The following METTL2A variants were observed in gnomAD, a reference collection of about 807,000 sequenced individuals.
METTL2A encodes the protein tRNA N(3)-cytidine methyltransferase METTL2A.
In METTL2A, 45 loss-of-function variants were observed where a neutral mutation model predicts 49.4. The observed-to-expected ratio is 0.91, with a 90% CI of 0.72 to 1.17. The LOEUF is 1.17. Ranked by LOEUF, METTL2A falls within the 50% of genes most tolerant of loss-of-function variation. The pLI is 0.00. For missense variants in METTL2A, 361 were observed against 462.2 expected, an observed-to-expected ratio of 0.78 and a Z score of 2.01; for synonymous variants, 118 against 167.5, an observed-to-expected ratio of 0.70 and a Z score of 2.28.
At chr17:62,442,522 AC>A (rs2070744374) in intron 6 of METTL2A, among the ~76,000 whole-genome samples, 1 of 151,744 alleles carries the variant, frequency 6.6e-6, no homozygotes. Context: ...CAAGTTATCC[AC>A]CCACCTCGGC....
chr17:62,426,254 A>C (rs1325199931), intron 2 of METTL2A, 45 bp from the exon 3 acceptor site: 15 of 1,527,238 alleles, frequency 9.8e-6, no homozygotes, highest in Non-Finnish European at 1.3e-5. Context: ...TATAAATAAA[A>C]CATTTGAGAG....
At chr17:62,435,635 A>G (rs1375411573) in intron 5 of METTL2A, among the ~76,000 whole-genome samples, 1 of 152,174 alleles carries the variant, frequency 6.6e-6, no homozygotes, top group African/African-American at 2.4e-5. Flanking sequence ...TGTATGTTAT[A>G]GTGTGTGATG....
chr17:62,436,088 C>G (rs8074046), intron 5 of METTL2A, among the ~76,000 whole-genome samples: 4 of 151,828 alleles, frequency 2.6e-5, no homozygotes, highest in Admixed American at 1.3e-4. Flanking sequence ...AAAAATTAGC[C>G]GGGCTAAAAA....
intron 7 of METTL2A, among the ~76,000 whole-genome samples, chr17:62,445,502 A>G (rs2070762767): frequency 6.6e-6 from 1 of 152,108 alleles, no homozygotes; most frequent in Non-Finnish European, 1.5e-5. Flanking sequence ...TTTATTAGAA[A>G]GACATTTGAA....
intron 7 of METTL2A, among the ~76,000 whole-genome samples, chr17:62,445,921 T>C (rs2070765384): frequency 6.6e-6 from 1 of 152,134 alleles, no homozygotes; most frequent in African/African-American, 2.4e-5. Flanking sequence ...ATATAATAGA[T>C]AAAGACTTAA....
rs1046586349 is a variant in METTL2A at position 62,451,607 on chromosome 17, A to G, written c.*2878A>G. ...ATGAAACCCCATCACTGCTAACAAT[A>G]CAGACCTGGCACGGTGGCTCACGCC... is the stretch of plus-strand genomic sequence containing the variant. On this transcript the variant is annotated 3_prime_UTR_variant, in exon 9 of 9. Coordinates refer to ENST00000311506, the MANE Select transcript of METTL2A (RefSeq NM_181725.4). Among the ~76,000 whole-genome samples, 1 of 151,814 alleles carries G rather than the reference A, an allele frequency of 6.6e-6. No homozygotes were observed. Among genetic ancestry groups the G allele is most frequent in the Non-Finnish European group, 1.5e-5 (1 of 67,916 alleles).
rs2070806276 is a variant in METTL2A at position 62,451,615 on chromosome 17, G to A, written c.*2886G>A. Among the ~76,000 whole-genome samples, 1 of 151,824 alleles carries A rather than the reference G, an allele frequency of 6.6e-6. No homozygotes were observed. Among genetic ancestry groups the A allele is most frequent in the South Asian group, 2.1e-4 (1 of 4,820 alleles). On this transcript the variant is annotated 3_prime_UTR_variant, in exon 9 of 9. Coordinates refer to ENST00000311506, the MANE Select transcript of METTL2A (RefSeq NM_181725.4). ...CCATCACTGCTAACAATACAGACCT[G>A]GCACGGTGGCTCACGCCTGTAATCC...
In METTL2A at chr17:62,435,233, G is replaced by A; in HGVS notation, c.610G>A (p.Asp204Asn). 1 of 1,613,956 alleles carries A rather than the reference G, an allele frequency of 6.2e-7. No homozygotes were observed. The highest frequency in any genetic ancestry group is 1.1e-5 in the South Asian group (1 of 91,076). ...TVFPILQTNN[D>N]PGLFVYCCDF... ...TTCTGTCTTTTCTGCCCATTTCAGT[G>A]ACCCAGGACTCTTTGTTTATTGCTG... is the stretch of plus-strand genomic sequence containing the variant. The change falls in exon 5 of 9, where the codon GAC (aspartate) becomes AAC (asparagine). Residue 204 changes from aspartate (D) to asparagine (N), a missense_variant and splice_region_variant. Asp to Asn is a conservative substitution (Grantham distance 23). Transcript: ENST00000311506.
chr17:62,430,929 G>A (rs2070660551), intron 4 of METTL2A, among the ~76,000 whole-genome samples: 1 of 152,064 alleles, frequency 6.6e-6, no homozygotes, highest in Non-Finnish European at 1.5e-5. Context: ...GCAGTGGTGC[G>A]ATCTTGGCTC....
intron 4 of METTL2A, among the ~76,000 whole-genome samples, chr17:62,430,306 T>C (rs1414578198): frequency 1.3e-5 from 2 of 152,206 alleles, no homozygotes; most frequent in African/African-American, 4.8e-5. Context: ...ATCAATATCA[T>C]CAATGCATGT....
intron 7 of METTL2A, among the ~76,000 whole-genome samples, chr17:62,446,367 A>G (rs1233502042): frequency 6.6e-6 from 1 of 151,596 alleles, no homozygotes; most frequent in African/African-American, 2.4e-5. Flanking sequence ...CTGGAGTGCA[A>G]TGGCACGATC....
chr17:62,436,532 A>G (rs1488044244), intron 5 of METTL2A, among the ~76,000 whole-genome samples: 1 of 152,184 alleles, frequency 6.6e-6, no homozygotes, highest in African/African-American at 2.4e-5. Context: ...AGTCTGGGCG[A>G]CAGTGAGACT....
intron 4 of METTL2A, among the ~76,000 whole-genome samples, chr17:62,430,027 T>C (rs530050705): frequency 4.2e-4 from 64 of 152,376 alleles, no homozygotes; most frequent in African/African-American, 1.2e-3. Context: ...TATGCATTAC[T>C]GGAATCCACT....
rs775330366 is a variant in METTL2A at position 62,448,982 on chromosome 17, A to T, written c.*253A>T. On this transcript the variant is annotated 3_prime_UTR_variant, in exon 9 of 9. Transcript: ENST00000311506. The stretch of plus-strand genomic sequence containing the variant: ...GGACAATTCAAGAATTCAGACTTGA[A>T]CCTTAAACCTAGGAAAAGTTACTTT... 5 of 419,044 alleles carry T rather than the reference A, an allele frequency of 1.2e-5. No individual in the cohort carries two copies. The highest frequency in any genetic ancestry group is 4.1e-5 in the African/African-American group (2 of 48,494). The allele number at this position is 419,044 out of a possible 1,614,324, so 26.0% of individuals were successfully genotyped here. A position where few individuals can be genotyped will look rare whatever the true frequency, so the allele number is the denominator to read the frequency against.
rs1370076495 is a variant in METTL2A at position 62,452,195 on chromosome 17, C to A, written c.*3466C>A. ...AAGGTAAGAGGCTATTGTGTAAACT[C>A]GAATTGGGTTTGTTGGTGTTTCTTC... On this transcript the variant is annotated 3_prime_UTR_variant, in exon 9 of 9. Transcript: ENST00000311506. Among the ~76,000 whole-genome samples, 1 of 152,136 alleles carries A rather than the reference C, an allele frequency of 6.6e-6. No homozygotes were observed. Among genetic ancestry groups the A allele is most frequent in the Admixed American group, 6.5e-5 (1 of 15,276 alleles).
In METTL2A at chr17:62,451,776, T is replaced by A. The variant is rs1207162733; in HGVS notation, c.*3047T>A. ...GTGATGGCGCATGCCTGTAACCCCATCCACTTGGAAGGCTGAGGCAGGAGA... is the reference window on the plus strand; with the variant it reads ...GTGATGGCGCATGCCTGTAACCCCAACCACTTGGAAGGCTGAGGCAGGAGA... On this transcript the variant is annotated 3_prime_UTR_variant, in exon 9 of 9. Coordinates refer to ENST00000311506, the MANE Select transcript of METTL2A (RefSeq NM_181725.4). Among the ~76,000 whole-genome samples, 1 of 151,326 alleles carries A rather than the reference T, an allele frequency of 6.6e-6. No individual in the cohort carries two copies.
At chr17:62,446,129 T>G (rs2070766877) in intron 7 of METTL2A, among the ~76,000 whole-genome samples, 2 of 152,198 alleles carry the variant, frequency 1.3e-5, no homozygotes, top group African/African-American at 4.8e-5. Flanking sequence ...GTGCATTCCT[T>G]CATTACTGGT....
rs2144163548 is a variant in METTL2A at position 62,450,414 on chromosome 17, A to C, written c.*1685A>C. ...GTAGCTAGGACTGCAGGTGGGCACC[A>C]TCATGCCTAGCTAATTGTTAGATCC... On this transcript the variant is annotated 3_prime_UTR_variant, in exon 9 of 9. Coordinates refer to ENST00000311506, the MANE Select transcript of METTL2A (RefSeq NM_181725.4). 1 of 152,138 alleles carries C rather than the reference A, an allele frequency of 6.6e-6. No homozygotes were observed. Among genetic ancestry groups the C allele is most frequent in the South Asian group, 2.1e-4 (1 of 4,818 alleles). The allele number at this position is 152,138 out of a possible 1,614,324, so 9.4% of individuals were successfully genotyped here. A position where few individuals can be genotyped will look rare whatever the true frequency, so the allele number is the denominator to read the frequency against.
chr17:62,444,813 C>T, intron 6 of METTL2A, 24 bp from the exon 7 acceptor site: 1 of 1,612,290 alleles, frequency 6.2e-7, no homozygotes. Flanking sequence ...ACCTGATTGA[C>T]CGTCATTCCC....
Sources: allele counts gnomAD v4.1 joint callset (sites outside exome capture counted in the v4.1 genomes callset), GRCh38; gene constraint gnomAD v4.1.1; transcripts MANE v1.5; gene names NCBI Gene and HGNC (gene_info 2026-07-23, HGNC 2026-07-21).